The following GLIS3 variants were observed in gnomAD, a reference collection of about 807,000 sequenced individuals.
The protein encoded by GLIS3 is zinc finger protein GLIS3.
GLIS3 carries 53 observed loss-of-function variants against 78.6 expected under a neutral mutation model. The ratio of observed to expected loss-of-function variants is 0.67; its 90% CI spans 0.54 to 0.85. The LOEUF (loss-of-function observed/expected upper bound fraction) is 0.85. Ranked by LOEUF, GLIS3 falls within the 40% of genes least tolerant of loss-of-function variation. GLIS3 has a pLI of 0.00. For synonymous variants in GLIS3, 684 were observed against 509.9 expected, an observed-to-expected ratio of 1.34 and a Z score of -4.60; for missense variants, 1,703 against 1,231.1, an observed-to-expected ratio of 1.38 and a Z score of -5.74.
chr9:4,093,679 C>G (rs1829707333), intron 4 of GLIS3, among the ~76,000 whole-genome samples: 1 of 152,204 alleles, frequency 6.6e-6, no homozygotes, highest in African/African-American at 2.4e-5. Context: ...CAGGACAAGG[C>G]ACCTTCAGCT....
chr9:4,154,769 A>G (rs768891782), intron 2 of GLIS3, among the ~76,000 whole-genome samples: 11 of 152,214 alleles, frequency 7.2e-5, no homozygotes, highest in Non-Finnish European at 1.5e-4. Context: ...TAACACAGTC[A>G]GAGGTATTTA....
intron 4 of GLIS3, among the ~76,000 whole-genome samples, chr9:4,100,898 C>T (rs749421923): frequency 3.9e-5 from 6 of 152,108 alleles, no homozygotes; most frequent in African/African-American, 9.7e-5. Flanking sequence ...GGAACCCTCT[C>T]GTTGTACAAT....
chr9:4,261,752 G>T (rs532214524), intron 2 of GLIS3, among the ~76,000 whole-genome samples: 5 of 152,184 alleles, frequency 3.3e-5, no homozygotes, highest in African/African-American at 1.2e-4. Context: ...TCCCATTTCA[G>T]AGAGTCTTTA....
At chr9:4,330,312 T>C (rs187326188) in intron 2 of GLIS3, among the ~76,000 whole-genome samples, 2 of 152,386 alleles carry the variant, frequency 1.3e-5, no homozygotes, top group Admixed American at 1.3e-4. Context: ...CACAGATTGC[T>C]GGTACCCATC....
In GLIS3 at chr9:3,825,533, G is replaced by A. The variant is rs1456815834; in HGVS notation, c.*2739C>T. The A allele has an allele frequency of 6.6e-6, 1 of 152,046 alleles. No homozygotes were observed. Among genetic ancestry groups the A allele is most frequent in the Non-Finnish European group, 1.5e-5 (1 of 68,012 alleles). The allele number at this position is 152,046 out of a possible 1,614,324, so 9.4% of individuals were successfully genotyped here. On this transcript the variant is annotated 3_prime_UTR_variant, in exon 11 of 11. Coordinates refer to ENST00000381971, the MANE Select transcript of GLIS3 (RefSeq NM_001042413.2). ...GTTTTTAAGGGGAATGACAATCTCT[G>A]TTTGGACATTTATGAAAATGGTTAC... is the stretch of plus-strand genomic sequence containing the variant.
At chr9:4,235,819 C>A (rs1822679521) in intron 2 of GLIS3, among the ~76,000 whole-genome samples, 1 of 152,072 alleles carries the variant, frequency 6.6e-6, no homozygotes, top group East Asian at 1.9e-4. Context: ...CTGGTGAAAA[C>A]TGATTAAAGA....
rs1468713899 is a variant in GLIS3, at chr9:4,118,695, G to C, written c.783C>G (p.Ser261=). ...GTAATGAGTTAGAGACACTATTGCT[G>C]GACATGGATGTCCCGGGAGGAAGGC... is the stretch of plus-strand genomic sequence containing the variant. The part of the protein sequence containing the change: ...LLSLPPGTSM[S]SNSVSNSLPS... Residue 261 remains serine (S), a synonymous_variant, in exon 4 of 11, where the codon TCC becomes TCG. Coordinates refer to ENST00000381971, the MANE Select transcript of GLIS3 (RefSeq NM_001042413.2). This position sits in a 1 kb window ranked among gnomAD's most constrained non-coding sequence, Gnocchi z 4.7. The C allele has an allele frequency of 6.2e-7, 1 of 1,614,058 alleles. No individual in the cohort carries two copies. Among genetic ancestry groups the C allele is most frequent in the East Asian group, 2.2e-5 (1 of 44,860 alleles).
At chr9:4,311,729 C>T (rs1817362605) in intron 2 of GLIS3, among the ~76,000 whole-genome samples, 1 of 152,200 alleles carries the variant, frequency 6.6e-6, no homozygotes, top group Non-Finnish European at 1.5e-5. Context: ...CTATAAAACA[C>T]TGTCTTGTCC....
chr9:4,162,103 T>A (rs1835524915), intron 2 of GLIS3, among the ~76,000 whole-genome samples: 1 of 152,064 alleles, frequency 6.6e-6, no homozygotes, highest in South Asian at 2.1e-4. Context: ...ACACTGACCA[T>A]CCCTCAGTTT....
At chr9:4,280,012 G>C (rs1827404560) in intron 2 of GLIS3, among the ~76,000 whole-genome samples, 2 of 151,878 alleles carry the variant, frequency 1.3e-5, no homozygotes, top group Admixed American at 1.3e-4. Flanking sequence ...ATTGAAATAT[G>C]GATTACTATT....
chr9:3,841,100 A>G (rs1322374599), intron 9 of GLIS3, among the ~76,000 whole-genome samples: 1 of 152,186 alleles, frequency 6.6e-6, no homozygotes, highest in Non-Finnish European at 1.5e-5. Flanking sequence ...GCATGCTTAA[A>G]GCACTCTTGA....
chr9:4,122,319 T>C (rs1301982066), intron 3 of GLIS3, among the ~76,000 whole-genome samples: 1 of 152,206 alleles, frequency 6.6e-6, no homozygotes, highest in Non-Finnish European at 1.5e-5. Flanking sequence ...TCCTAGTCTA[T>C]CTGGAAATTC....
At chr9:4,285,013 C>A (rs1032334452) in intron 2 of GLIS3, among the ~76,000 whole-genome samples, 1 of 152,074 alleles carries the variant, frequency 6.6e-6, no homozygotes, top group Non-Finnish European at 1.5e-5. Flanking sequence ...CACAGAAATA[C>A]ACAGACTCTA....
chr9:3,947,674 C>T (rs952937143), intron 4 of GLIS3, among the ~76,000 whole-genome samples: 5 of 152,216 alleles, frequency 3.3e-5, no homozygotes, highest in Admixed American at 6.5e-5. Context: ...TTCCAAAAAA[C>T]GGAGTGCAAG....
At chr9:4,452,393 G>A in the GLIS3 span, among the ~76,000 whole-genome samples, 2 of 152,274 alleles carry the variant, frequency 1.3e-5, no homozygotes, top group African/African-American at 4.8e-5. Flanking sequence ...GTCTCTGTTT[G>A]CAGATGACAT....
intron 2 of GLIS3, among the ~76,000 whole-genome samples, chr9:4,233,681 A>T (rs1822469723): frequency 6.6e-6 from 1 of 152,240 alleles, no homozygotes; most frequent in Non-Finnish European, 1.5e-5. Flanking sequence ...ACTTAAAGTT[A>T]CCAGCTGCAT....
At position 3,859,719 on chromosome 9, in the gene GLIS3, C is replaced by T. The variant is rs561675194; in HGVS notation, c.2298-3535G>A. On this transcript the variant is annotated intron_variant, in intron 8 of 10. Coordinates refer to ENST00000381971, the MANE Select transcript of GLIS3 (RefSeq NM_001042413.2). ...TCTGCAGTTGACACTTCAGAGATTT[C>T]ACTGGACATGGCTTATTAGTCTCTT... 6.6e-5 allele frequency among the ~76,000 whole-genome samples: 10 copies of T among 152,274 alleles called. No individual in the cohort carries two copies. In the South Asian group the frequency reaches 2.1e-3, roughly 32 times the overall value.
chr9:3,903,011 G>C (rs1027304239), intron 6 of GLIS3, among the ~76,000 whole-genome samples: 2 of 152,080 alleles, frequency 1.3e-5, no homozygotes, highest in African/African-American at 4.8e-5. Flanking sequence ...ATACTGGGAA[G>C]GTAAGTTCCA....
chr9:4,075,163 G>A (rs1415364106), intron 4 of GLIS3, among the ~76,000 whole-genome samples: 3 of 146,056 alleles, frequency 2.1e-5, no homozygotes, highest in East Asian at 1.9e-4. Flanking sequence ...TTACTGTGGC[G>A]ATGGTACCAC....
Sources: gnomAD v4.1 joint callset for allele counts (sites outside exome capture counted in the v4.1 genomes callset) on GRCh38, gnomAD v4.1.1 for gene constraint, Gnocchi (gnomAD v3.1) non-coding constraint, MANE v1.5 for transcripts, NCBI Gene and HGNC (gene_info 2026-07-23, HGNC 2026-07-21) for gene names.